HOMER1: variants seen among roughly 807,000 people sequenced by gnomAD.
HOMER1 encodes homer protein homolog 1.
A neutral mutation model predicts 48.9 loss-of-function variants in HOMER1; 3 were observed. The observed-to-expected ratio is 0.06, with a 90% confidence interval of 0.03 to 0.16. The LOEUF (loss-of-function observed/expected upper bound fraction) is 0.16. Among genes scored for constraint, HOMER1 ranks in the 10% least tolerant of loss-of-function variants. The probability of loss-of-function intolerance (pLI) is 1.00; values close to 1 mark genes in which losing one functional copy is unlikely to be tolerated. For synonymous variants in HOMER1, 134 were observed against 146.4 expected, an observed-to-expected ratio of 0.92 and a Z score of 0.61; for missense variants, 247 against 411.4, an observed-to-expected ratio of 0.60 and a Z score of 3.46.
At chr5:79,474,206 A>ATTTTTTTTT (rs1009644672) in intron 1 of HOMER1, among the ~76,000 whole-genome samples, 3 of 98,724 alleles carry the variant, frequency 3.0e-5, no homozygotes, top group African/African-American at 1.4e-4. Flanking sequence ...CCCAACCAAA[A>ATTTTTTTTT]TTTTTTTTTT....
At chr5:79,487,202 C>G (rs993481738) in intron 1 of HOMER1, among the ~76,000 whole-genome samples, 1 of 152,132 alleles carries the variant, frequency 6.6e-6, no homozygotes, top group Non-Finnish European at 1.5e-5. Context: ...TCGCTTGAAC[C>G]CGGGAGGCAG....
Position 79,474,821 on chromosome 5 carries a change from T to C in HOMER1, c.6-17803A>G, listed in dbSNP as rs138595106. Among the ~76,000 whole-genome samples the C allele has an allele frequency of 4.0e-3, 614 of 152,332 alleles. 3 individuals carry two copies. The highest frequency in any genetic ancestry group is 6.1e-3 in the Non-Finnish European group (418 of 68,032). ...ATAATGAAAACTGAATAGCTTCAAA[T>C]TGATAGAGTCAAAAAAGTAATAGTG... On this transcript the variant is annotated intron_variant, in intron 1 of 8. Coordinates refer to ENST00000334082, the MANE Select transcript of HOMER1 (RefSeq NM_004272.5).
rs968087761 is a variant in HOMER1, at chr5:79,457,025, G to A, written c.6-7C>T. On this transcript the variant is annotated splice_polypyrimidine_tract_variant and splice_region_variant and intron_variant, in intron 1 of 8. Transcript: ENST00000334082. ...GCTGAAGATAGGTTGTTCCCTGCAG[G>A]GCAGAAAAGAAAATGATGGACTGAA... 17 of 1,613,576 alleles carry A rather than the reference G, an allele frequency of 1.1e-5. No individual in the cohort carries two copies. The highest frequency in any genetic ancestry group is 1.4e-5 in the Non-Finnish European group (17 of 1,179,700).
intron 8 of HOMER1, among the ~76,000 whole-genome samples, chr5:79,389,087 C>CA (rs1240278135): frequency 6.6e-6 from 1 of 151,852 alleles, no homozygotes; most frequent in Non-Finnish European, 1.5e-5. Context: ...GGCACACAAG[C>CA]AAAATGAGTC....
intron 1 of HOMER1, among the ~76,000 whole-genome samples, chr5:79,468,459 A>G (rs1751535400): frequency 6.6e-6 from 1 of 152,244 alleles, no homozygotes; most frequent in African/African-American, 2.4e-5. Flanking sequence ...CACTTTTAAA[A>G]AGATAGCATT....
rs1162775227 is a variant in HOMER1 at position 79,379,113 on chromosome 5, T to TAA, written c.877-2918_877-2917dup. On this transcript the variant is annotated intron_variant, in intron 8 of 8. Transcript: ENST00000334082. Reference sequence around the variant, plus strand: ...ATATATATATATATATATATATATATAAAATATATAAATATTTATTTATAT... The same window carrying TAA: ...ATATATATATATATATATATATATATAAAAAATATATAAATATTTATTTATAT... Among the ~76,000 whole-genome samples, 33 of 87,708 alleles carry TAA rather than the reference T, an allele frequency of 3.8e-4. 1 individual carries two copies. The highest frequency in any genetic ancestry group is 6.7e-4 in the Non-Finnish European group (31 of 46,498). 57.5% of individuals were successfully genotyped at this position (87,708 alleles called of 152,430 possible).
At chr5:79,388,761 T>C (rs1383254150) in intron 8 of HOMER1, among the ~76,000 whole-genome samples, 2 of 152,150 alleles carry the variant, frequency 1.3e-5, no homozygotes, top group Non-Finnish European at 2.9e-5. Flanking sequence ...TATTTTTAAT[T>C]CAATTATTAC....
intron 1 of HOMER1, among the ~76,000 whole-genome samples, chr5:79,478,019 C>A (rs867042177): frequency 6.6e-6 from 1 of 152,024 alleles, no homozygotes; most frequent in Non-Finnish European, 1.5e-5. Flanking sequence ...CAGTTTTGCA[C>A]GGACTATCAA....
intron 5 of HOMER1, among the ~76,000 whole-genome samples, chr5:79,436,137 A>AT (rs1233918655): frequency 2.6e-4 from 39 of 150,324 alleles, no homozygotes; most frequent in African/African-American, 6.5e-4. Context: ...CGTCTCAAAA[A>AT]AAATAAATAA....
intron 1 of HOMER1, among the ~76,000 whole-genome samples, chr5:79,478,313 C>A (rs985591561): frequency 6.6e-6 from 1 of 152,084 alleles, no homozygotes; most frequent in East Asian, 1.9e-4. Flanking sequence ...GATAAAGGGG[C>A]CTGTAACATG....
intron 5 of HOMER1, among the ~76,000 whole-genome samples, chr5:79,435,898 G>T (rs1217806131): frequency 6.7e-6 from 1 of 149,588 alleles, no homozygotes; most frequent in East Asian, 2.0e-4. Context: ...AGGCCGAGGC[G>T]GGTGGATCAT....
chr5:79,435,533 G>A (rs1032068058), intron 5 of HOMER1, among the ~76,000 whole-genome samples: 14 of 152,222 alleles, frequency 9.2e-5, no homozygotes, highest in African/African-American at 3.1e-4. Flanking sequence ...ACATATTGGA[G>A]AAGGAAGGCA....
At chr5:79,467,466 A>T (rs929236271) in intron 1 of HOMER1, among the ~76,000 whole-genome samples, 5 of 152,062 alleles carry the variant, frequency 3.3e-5, no homozygotes, top group Admixed American at 2.0e-4. Flanking sequence ...TTCAACGAAC[A>T]ATCATAATAC....
chr5:79,498,102 G>GA (rs1752477341), intron 1 of HOMER1, among the ~76,000 whole-genome samples: 1 of 152,096 alleles, frequency 6.6e-6, no homozygotes, highest in Non-Finnish European at 1.5e-5. Context: ...CTTCAGTCAA[G>GA]AGTTAAAGCA....
chr5:79,500,155 G>A (rs1011777442), intron 1 of HOMER1, among the ~76,000 whole-genome samples: 6 of 152,090 alleles, frequency 3.9e-5, no homozygotes, highest in African/African-American at 1.4e-4. Context: ...ATACCAGCAG[G>A]TGCAAAAACC....
chr5:79,379,227 A>T lies in HOMER1; in HGVS notation c.877-3030T>A, dbSNP rs1484161639. ...ATTATATATATTTTTATATATCTATAATATATATTATATATTATATATATC... is the reference window on the plus strand; with the variant it reads ...ATTATATATATTTTTATATATCTATTATATATATTATATATTATATATATC... On this transcript the variant is annotated intron_variant, in intron 8 of 8. Transcript: ENST00000334082. Among the ~76,000 whole-genome samples, 10 of 103,036 alleles carry T rather than the reference A, an allele frequency of 9.7e-5. 1 individual carries two copies. Among genetic ancestry groups the T allele is most frequent in the Admixed American group, 2.7e-4 (2 of 7,332 alleles). The allele number at this position is 103,036 out of a possible 152,430, so 67.6% of individuals were successfully genotyped here.
At chr5:79,491,607 G>C (rs1457749782) in intron 1 of HOMER1, among the ~76,000 whole-genome samples, 1 of 151,960 alleles carries the variant, frequency 6.6e-6, no homozygotes, top group East Asian at 1.9e-4. Flanking sequence ...TACATTTGGG[G>C]AAGAAATGAA....
At chr5:79,496,742 G>A (rs1752432068) in intron 1 of HOMER1, among the ~76,000 whole-genome samples, 1 of 152,064 alleles carries the variant, frequency 6.6e-6, no homozygotes, top group African/African-American at 2.4e-5. Context: ...AACAAGAAAG[G>A]AACACAAAAG....
chr5:79,435,262 TGTTA>T (rs1185666184), intron 5 of HOMER1, among the ~76,000 whole-genome samples: 2 of 152,220 alleles, frequency 1.3e-5, no homozygotes, highest in African/African-American at 4.8e-5. Flanking sequence ...TCTTTTGACA[TGTTA>T]ATTAACAAAT....
Sources: allele counts gnomAD v4.1 joint callset (sites outside exome capture counted in the v4.1 genomes callset), GRCh38; gene constraint gnomAD v4.1.1; transcripts MANE v1.5; gene names NCBI Gene and HGNC (gene_info 2026-07-23, HGNC 2026-07-21).